Variants in PEBP4 observed in about 807,000 individuals in gnomAD.
PEBP4 encodes the protein phosphatidylethanolamine binding protein 4.
A neutral mutation model predicts 23.9 loss-of-function variants in PEBP4; 22 were observed. The observed-to-expected ratio is 0.92, with a 90% CI of 0.66 to 1.31. The LOEUF (loss-of-function observed/expected upper bound fraction) is 1.31. PEBP4 is among the 40% of genes most tolerant of loss of function. The pLI is 0.00. For missense variants in PEBP4, 324 were observed against 281.7 expected (o/e 1.15, Z -1.07); for synonymous variants, 112 against 99.3 (o/e 1.13, Z -0.76).
rs565456476 is a variant in PEBP4, at chr8:22,739,402, C to T, written c.358-12182G>A. On this transcript the variant is annotated intron_variant, in intron 4 of 6. Coordinates refer to ENST00000256404, the MANE Select transcript of PEBP4 (RefSeq NM_144962.3). ...GCTAACTCCTCAGCCCGACTCTTAT[C>T]GCTCCCCATCTCTCATCCGGCACCC... Among the ~76,000 whole-genome samples the T allele has an allele frequency of 7.2e-5, 11 of 152,284 alleles. No individual in the cohort carries two copies. In the East Asian group the frequency reaches 1.2e-3, roughly 16 times the overall value.
intron 3 of PEBP4, among the ~76,000 whole-genome samples, chr8:22,864,291 T>A (rs972780049): frequency 6.6e-6 from 1 of 151,922 alleles, no homozygotes; most frequent in African/African-American, 2.4e-5. Flanking sequence ...GGAGTGAGAG[T>A]TCTGTGCCCT....
At chr8:22,900,246 G>A (rs1278902653) in intron 3 of PEBP4, among the ~76,000 whole-genome samples, 1 of 152,014 alleles carries the variant, frequency 6.6e-6, no homozygotes, top group Non-Finnish European at 1.5e-5. Context: ...GTTGGGGAGG[G>A]GTGTGAGACG....
chr8:22,920,261 C>T lies in PEBP4; in HGVS notation c.181G>A (p.Val61Ile). 1 of 1,613,840 alleles carries T rather than the reference C, an allele frequency of 6.2e-7. No homozygotes were observed. Among genetic ancestry groups the T allele is most frequent in the Non-Finnish European group, 8.5e-7 (1 of 1,179,818 alleles). The change falls in exon 3 of 7, where the codon GTT becomes ATT. Residue 61 changes from valine to isoleucine, a missense_variant. Transcript: ENST00000256404. The stretch of plus-strand genomic sequence containing the variant: ...TGTCTGTAGTTGTTACAATCAGGAA[C>T]AACCTTGCAGCCAATGTTCCCCAAC... Reference protein sequence around the residue: ...PELGNIGCKVVPDCNNYRQKI... With the variant: ...PELGNIGCKVIPDCNNYRQKI...
chr8:22,905,059 T>C (rs758996210), intron 3 of PEBP4, among the ~76,000 whole-genome samples: 28 of 152,374 alleles, frequency 1.8e-4, no homozygotes, highest in Non-Finnish European at 3.4e-4. Flanking sequence ...TAGGCATTAT[T>C]GAATCATCAG....
At chr8:22,895,695 G>A (rs1007110148) in intron 3 of PEBP4, 1 of 151,918 alleles carries the variant, frequency 6.6e-6, no homozygotes, top group Admixed American at 6.6e-5. Context: ...ACAATGCTTG[G>A]GTGCTCTGTT....
intron 3 of PEBP4, among the ~76,000 whole-genome samples, chr8:22,917,130 G>C (rs1237618672): frequency 2.1e-5 from 1 of 47,894 alleles, no homozygotes; most frequent in African/African-American, 1.1e-4. Flanking sequence ...GGCGGGGGAG[G>C]GGGGGGTGTT....
Position 22,751,581 on chromosome 8 carries a change from A to AGT in PEBP4, c.358-24363_358-24362dup, listed in dbSNP as rs1185790294. Reference sequence around the variant, plus strand: ...GGAGGCTTTGACTTGGATAAGGAGGAGTGTGTCTGTGTGTGTGTGTGTGTG... The same window carrying AGT: ...GGAGGCTTTGACTTGGATAAGGAGGAGTGTGTGTCTGTGTGTGTGTGTGTGTG... On this transcript the variant is annotated intron_variant, in intron 4 of 6. Transcript: ENST00000256404. Among the ~76,000 whole-genome samples the AGT allele has an allele frequency of 4.6e-4, 59 of 127,628 alleles. 2 individuals carry two copies. Among genetic ancestry groups the AGT allele is most frequent in the Admixed American group, 1.6e-4 (2 of 12,868 alleles). 83.7% of individuals were successfully genotyped at this position (127,628 alleles called of 152,430 possible). A position where few individuals can be genotyped will look rare whatever the true frequency, so the allele number is the denominator to read the frequency against.
At chr8:22,834,344 C>A (rs1256299468) in intron 3 of PEBP4, among the ~76,000 whole-genome samples, 1 of 152,206 alleles carries the variant, frequency 6.6e-6, no homozygotes. Flanking sequence ...GGGTGCTGCC[C>A]CTGGAGCCGA....
intron 3 of PEBP4, among the ~76,000 whole-genome samples, chr8:22,840,841 T>C (rs1394104149): frequency 2.0e-5 from 3 of 152,118 alleles, no homozygotes; most frequent in African/African-American, 7.2e-5. Flanking sequence ...CTGACACACA[T>C]GAGACAAACA....
At chr8:22,844,869 C>T (rs1436051534) in intron 3 of PEBP4, among the ~76,000 whole-genome samples, 1 of 152,190 alleles carries the variant, frequency 6.6e-6, no homozygotes, top group Admixed American at 6.5e-5. Flanking sequence ...TGACCTGGGG[C>T]AGCCAACCCA....
chr8:22,860,444 C>T (rs1032792396), intron 3 of PEBP4, among the ~76,000 whole-genome samples: 39 of 152,188 alleles, frequency 2.6e-4, no homozygotes, highest in Admixed American at 4.6e-4. Flanking sequence ...ATGAATTTGA[C>T]TCCTCTAGGT....
intron 3 of PEBP4, among the ~76,000 whole-genome samples, chr8:22,901,349 C>T (rs762067219): frequency 5.3e-5 from 8 of 152,090 alleles, no homozygotes; most frequent in Non-Finnish European, 1.0e-4. Flanking sequence ...GAAGATGGAT[C>T]GGGACTCTGT....
At chr8:22,731,751 C>T (rs972835062) in intron 4 of PEBP4, among the ~76,000 whole-genome samples, 62 of 151,948 alleles carry the variant, frequency 4.1e-4, no homozygotes, top group African/African-American at 9.4e-4. Flanking sequence ...CTCTGCCTCC[C>T]GGGTTCATGC....
At chr8:22,772,776 C>T (rs557027199) in intron 4 of PEBP4, among the ~76,000 whole-genome samples, 1 of 152,292 alleles carries the variant, frequency 6.6e-6, no homozygotes, top group East Asian at 1.9e-4. Context: ...ATCTGAGGCC[C>T]ACAGACCTTT....
intron 4 of PEBP4, among the ~76,000 whole-genome samples, chr8:22,786,406 CT>C (rs1025572038): frequency 1.3e-5 from 2 of 152,132 alleles, no homozygotes; most frequent in African/African-American, 4.8e-5. Flanking sequence ...CCTCAGCCTC[CT>C]GAATAGCTGG....
intron 3 of PEBP4, among the ~76,000 whole-genome samples, chr8:22,870,181 G>A (rs1207207690): frequency 1.3e-5 from 2 of 152,144 alleles, no homozygotes; most frequent in Non-Finnish European, 1.5e-5. Flanking sequence ...GCTAAAACTT[G>A]GAAGCAACCA....
chr8:22,835,321 T>A (rs1807179210), intron 3 of PEBP4, among the ~76,000 whole-genome samples: 1 of 152,166 alleles, frequency 6.6e-6, no homozygotes, highest in Non-Finnish European at 1.5e-5. Context: ...ACAAAAGGCA[T>A]CAGCAATTTT....
intron 3 of PEBP4, among the ~76,000 whole-genome samples, chr8:22,837,452 G>A (rs1482736168): frequency 6.6e-6 from 1 of 152,204 alleles, no homozygotes. Context: ...ATTGGCGTTT[G>A]CAAGCTCATT....
chr8:22,925,291 G>C, intron 2 of PEBP4: 5 of 985,420 alleles, frequency 5.1e-6, no homozygotes, highest in Non-Finnish European at 6.0e-6. Flanking sequence ...TATTCTGGGA[G>C]TCCTGAGAAT....
Sources: allele counts gnomAD v4.1 joint callset (sites outside exome capture counted in the v4.1 genomes callset), GRCh38; gene constraint gnomAD v4.1.1; transcripts MANE v1.5; gene names NCBI Gene and HGNC (gene_info 2026-07-23, HGNC 2026-07-21).